CCDC3: variants seen among roughly 807,000 people sequenced by gnomAD.
CCDC3 encodes the protein coiled-coil domain containing 3, also known as coiled-coil domain-containing protein 3.
A neutral mutation model predicts 21.4 loss-of-function variants in CCDC3; 24 were observed. That is an observed-to-expected ratio of 1.12 (90% CI 0.81 to 1.58). The LOEUF (loss-of-function observed/expected upper bound fraction) is 1.58, where lower values mean the gene tolerates loss of function less well. Among genes scored for constraint, CCDC3 ranks in the 40% most tolerant of loss-of-function variants. The pLI is 0.00. For missense variants in CCDC3, 425 were observed against 360.9 expected (o/e 1.18, Z -1.44); for synonymous variants, 186 against 166.0 (o/e 1.12, Z -0.93).
chr10:13,044,042 T>C (rs1272916431), intron 5 of CCDC3, among the ~76,000 whole-genome samples: 2 of 152,170 alleles, frequency 1.3e-5, no homozygotes, highest in Non-Finnish European at 2.9e-5. Context: ...TTTTTAATAA[T>C]AGCCATTCTG....
rs548248716 is a variant in CCDC3, at chr10:13,071,959, C to T, written c.-270+1909G>A. Among the ~76,000 whole-genome samples, 25 of 152,240 alleles carry T rather than the reference C, an allele frequency of 1.6e-4. No homozygotes were observed. The South Asian group carries it at 5.2e-3, about 32-fold the overall frequency. ...TCTCCAAACTGGGAAGAGTTAATTTCCTAAACCTTAGGCTGGTTGGTTTAG... is the reference window on the plus strand; with the variant it reads ...TCTCCAAACTGGGAAGAGTTAATTTTCTAAACCTTAGGCTGGTTGGTTTAG... On this transcript the variant is annotated intron_variant, in intron 4 of 6. Transcript: ENST00000378839.
chr10:13,019,854 G>A (rs1224032474), intron 5 of CCDC3, among the ~76,000 whole-genome samples: 2 of 152,092 alleles, frequency 1.3e-5, no homozygotes, highest in African/African-American at 2.4e-5. Context: ...AAATTAGCCC[G>A]GTGTGGTAGT....
chr10:12,991,433 G>C (rs1835681710), intron 2 of CCDC3, among the ~76,000 whole-genome samples: 1 of 152,044 alleles, frequency 6.6e-6, no homozygotes, highest in Non-Finnish European at 1.5e-5. Flanking sequence ...CGATCCTCCT[G>C]CCTCAGCCTC....
At chr10:13,095,336 C>T (rs1419333957) in intron 3 of CCDC3, among the ~76,000 whole-genome samples, 1 of 151,994 alleles carries the variant, frequency 6.6e-6, no homozygotes, top group East Asian at 1.9e-4. Context: ...CCAGTGGCCT[C>T]ACAGGAGCAG....
At chr10:12,981,927 A>G (rs1835503435) in intron 2 of CCDC3, among the ~76,000 whole-genome samples, 1 of 151,858 alleles carries the variant, frequency 6.6e-6, no homozygotes, top group African/African-American at 2.4e-5. Flanking sequence ...AATCAAGACC[A>G]TCCTGGCCAA....
At chr10:13,036,059 G>A (rs967147408) in intron 5 of CCDC3, among the ~76,000 whole-genome samples, 7 of 152,252 alleles carry the variant, frequency 4.6e-5, no homozygotes, top group Middle Eastern at 3.4e-3. Context: ...CAGGGGAATC[G>A]CTTGAACCCA....
intron 2 of CCDC3, among the ~76,000 whole-genome samples, chr10:12,992,250 C>T (rs1404480105): frequency 4.6e-5 from 7 of 151,872 alleles, no homozygotes; most frequent in Admixed American, 1.3e-4. Flanking sequence ...ATCAGCTGGC[C>T]GTGGTGCTGG....
At chr10:12,988,923 T>C (rs1463197847) in intron 2 of CCDC3, among the ~76,000 whole-genome samples, 2 of 152,220 alleles carry the variant, frequency 1.3e-5, no homozygotes, top group Non-Finnish European at 2.9e-5. Flanking sequence ...ATCAAGTGGC[T>C]GAGTAATGAC....
chr10:12,994,110 T>C (rs1196642550), intron 2 of CCDC3, among the ~76,000 whole-genome samples: 1 of 152,070 alleles, frequency 6.6e-6, no homozygotes, highest in African/African-American at 2.4e-5. Flanking sequence ...ATCAACAGCA[T>C]CTAGAGGTGG....
intron 3 of CCDC3, among the ~76,000 whole-genome samples, chr10:13,082,454 A>T (rs896823324): frequency 6.6e-6 from 1 of 152,264 alleles, no homozygotes; most frequent in African/African-American, 2.4e-5. Context: ...GTGGACCAGG[A>T]GCGTGACCGC....
chr10:12,958,498 T>A (rs1835128991), intron 2 of CCDC3, among the ~76,000 whole-genome samples: 2 of 152,080 alleles, frequency 1.3e-5, no homozygotes. Context: ...GCCAAACGCA[T>A]CCTCCCTGAT....
chr10:12,904,441 C>A (rs1053870664), intron 2 of CCDC3, among the ~76,000 whole-genome samples: 1 of 118,052 alleles, frequency 8.5e-6, no homozygotes, highest in African/African-American at 3.1e-5. Flanking sequence ...TACACTCCAG[C>A]CTAAGTTACA....
At chr10:13,005,614 G>A (rs1835916501), upstream of CCDC3, among the ~76,000 whole-genome samples, 1 of 152,202 alleles carries the variant, frequency 6.6e-6, no homozygotes, top group Non-Finnish European at 1.5e-5. Context: ...AGGCATAGAT[G>A]TGCACTAAAA....
chr10:12,992,068 A>G (rs558404993), intron 2 of CCDC3, among the ~76,000 whole-genome samples: 3 of 33,544 alleles, frequency 8.9e-5, no homozygotes, highest in African/African-American at 4.1e-4. Context: ...TATTTGGATT[A>G]AAAAAAAAAA....
intron 2 of CCDC3, among the ~76,000 whole-genome samples, chr10:12,986,656 C>G (rs1835597641): frequency 1.3e-5 from 2 of 151,988 alleles, no homozygotes; most frequent in African/African-American, 2.4e-5. Flanking sequence ...CGCCTGTAGT[C>G]CCAGCTACTC....
intron 2 of CCDC3, among the ~76,000 whole-genome samples, chr10:12,933,631 T>C (rs1275214866): frequency 6.6e-6 from 1 of 151,974 alleles, no homozygotes; most frequent in Non-Finnish European, 1.5e-5. Context: ...TAATATTTTG[T>C]GTTTTTAGTA....
At chr10:13,055,032 T>A (rs1836663087) in intron 4 of CCDC3, among the ~76,000 whole-genome samples, 1 of 152,158 alleles carries the variant, frequency 6.6e-6, no homozygotes. Context: ...CTGCCCCATG[T>A]GGTGTGGATT....
intron 2 of CCDC3, among the ~76,000 whole-genome samples, chr10:12,922,687 C>A (rs1387271081): frequency 6.6e-6 from 1 of 152,058 alleles, no homozygotes; most frequent in East Asian, 1.9e-4. Flanking sequence ...CCGCAGGAAC[C>A]CAGGATGTTT....
At chr10:13,036,116 CCTGGTG>C (rs1836374516) in intron 5 of CCDC3, among the ~76,000 whole-genome samples, 1 of 151,858 alleles carries the variant, frequency 6.6e-6, no homozygotes, top group Non-Finnish European at 1.5e-5. Flanking sequence ...TGCACTCCAG[CCTGGTG>C]ACAGAGCAAG....
Sources: gnomAD v4.1 joint callset for allele counts (sites outside exome capture counted in the v4.1 genomes callset) on GRCh38, gnomAD v4.1.1 for gene constraint, MANE v1.5 for transcripts, NCBI Gene and HGNC (gene_info 2026-07-23, HGNC 2026-07-21) for gene names.